FOXP2: variants seen among roughly 807,000 people sequenced by gnomAD.
FOXP2 encodes forkhead box protein P2.
In FOXP2, 12 loss-of-function variants were observed where a neutral mutation model predicts 115.8. That is an observed-to-expected ratio of 0.10 (90% CI 0.07 to 0.17). FOXP2 has a LOEUF of 0.17. Among genes scored for constraint, FOXP2 ranks in the 10% least tolerant of loss-of-function variants. The pLI, the probability that FOXP2 is intolerant of heterozygous loss-of-function variation, is 1.00. For missense variants in FOXP2, 629 were observed against 843.5 expected (o/e 0.75, Z 3.15); for synonymous variants, 328 against 297.7 (o/e 1.10, Z -1.05).
chr7:114,656,680 C>A (rs1262655564), intron 10 of FOXP2: 3 of 189,156 alleles, frequency 1.6e-5, no homozygotes, highest in African/African-American at 7.1e-5. Context: ...AACAGATGCA[C>A]TTGGGGATGC....
At chr7:114,504,666 T>C (rs1321252239) in intron 2 of FOXP2, among the ~76,000 whole-genome samples, 1 of 151,684 alleles carries the variant, frequency 6.6e-6, no homozygotes, top group Non-Finnish European at 1.5e-5. Flanking sequence ...GCAGAGAATG[T>C]CATGTCAACA....
chr7:114,612,905 T>C (rs1169999517), intron 3 of FOXP2, among the ~76,000 whole-genome samples: 1 of 152,228 alleles, frequency 6.6e-6, no homozygotes, highest in African/African-American at 2.4e-5. Flanking sequence ...TCTCTTCCTA[T>C]ATATAATACC....
intron 1 of FOXP2, among the ~76,000 whole-genome samples, chr7:114,254,809 C>T (rs201473085): frequency 2.6e-5 from 4 of 152,214 alleles, no homozygotes; most frequent in South Asian, 2.1e-4. Context: ...AGTCATTCTC[C>T]GTCCAGCTTT....
At chr7:114,500,474 C>A (rs952106356) in intron 2 of FOXP2, among the ~76,000 whole-genome samples, 26 of 151,932 alleles carry the variant, frequency 1.7e-4, no homozygotes, top group Non-Finnish European at 1.2e-4. Flanking sequence ...TTAATATATA[C>A]AACCCATTCC....
intron 1 of FOXP2, among the ~76,000 whole-genome samples, chr7:114,276,148 T>C (rs1282689131): frequency 6.6e-6 from 1 of 152,108 alleles, no homozygotes; most frequent in African/African-American, 2.4e-5. Flanking sequence ...CTCTGGCATA[T>C]TTTTATTGTT....
chr7:114,089,371 G>T (rs1210231649), intron 1 of FOXP2, among the ~76,000 whole-genome samples: 3 of 151,948 alleles, frequency 2.0e-5, no homozygotes, highest in African/African-American at 7.2e-5. Context: ...TAAGTACAAT[G>T]AATACTTTAT....
At chr7:114,204,508 G>A (rs1049879598) in intron 1 of FOXP2, among the ~76,000 whole-genome samples, 1 of 152,006 alleles carries the variant, frequency 6.6e-6, no homozygotes, top group African/African-American at 2.4e-5. Flanking sequence ...AATGATTTTT[G>A]GTAAGTTATT....
chr7:114,445,662 A>C (rs1794801424), intron 2 of FOXP2, among the ~76,000 whole-genome samples: 1 of 152,192 alleles, frequency 6.6e-6, no homozygotes, highest in Non-Finnish European at 1.5e-5. Flanking sequence ...TTAAGTATCA[A>C]AATTAGCCCC....
intron 10 of FOXP2, among the ~76,000 whole-genome samples, chr7:114,656,876 C>G (rs1004371716): frequency 6.6e-6 from 1 of 151,946 alleles, no homozygotes; most frequent in African/African-American, 2.4e-5. Flanking sequence ...ATTTTCTCCC[C>G]ATTAAAAAAA....
At chr7:114,110,973 A>G (rs1302264901) in intron 1 of FOXP2, among the ~76,000 whole-genome samples, 3 of 152,162 alleles carry the variant, frequency 2.0e-5, no homozygotes, top group Non-Finnish European at 4.4e-5. Context: ...CCCATAAAGA[A>G]TACTTTAGCT....
intron 2 of FOXP2, among the ~76,000 whole-genome samples, chr7:114,396,191 C>A (rs534444810): frequency 6.6e-6 from 1 of 151,912 alleles, no homozygotes; most frequent in Admixed American, 6.6e-5. Flanking sequence ...CCTCTGGTAA[C>A]CATCCCTCTA....
chr7:114,214,301 T>C (rs149204658), intron 1 of FOXP2, among the ~76,000 whole-genome samples: 8 of 152,294 alleles, frequency 5.3e-5, no homozygotes, highest in Non-Finnish European at 1.2e-4. Context: ...ACAGTCCTAC[T>C]ATACAGCACA....
At chr7:114,534,000 A>G (rs1469798951) in intron 2 of FOXP2, among the ~76,000 whole-genome samples, 2 of 151,964 alleles carry the variant, frequency 1.3e-5, no homozygotes, top group African/African-American at 4.8e-5. Flanking sequence ...TGATTGGTTG[A>G]GTGGTAATTT....
intron 11 of FOXP2, among the ~76,000 whole-genome samples, chr7:114,658,537 T>A (rs1806709284): frequency 6.6e-6 from 1 of 152,174 alleles, no homozygotes; most frequent in South Asian, 2.1e-4. Flanking sequence ...CTCAATTCAA[T>A]GAGATCCTTT....
At chr7:114,554,556 T>C (rs1800366321) in intron 3 of FOXP2, among the ~76,000 whole-genome samples, 1 of 152,242 alleles carries the variant, frequency 6.6e-6, no homozygotes, top group Admixed American at 6.5e-5. Flanking sequence ...TTATTTTTAG[T>C]ATGTGTATAA....
chr7:114,505,274 G>A (rs1797753597), intron 2 of FOXP2, among the ~76,000 whole-genome samples: 1 of 151,448 alleles, frequency 6.6e-6, no homozygotes, highest in African/African-American at 2.4e-5. Context: ...TATAAATAAT[G>A]TGCTAATTAC....
intron 3 of FOXP2, among the ~76,000 whole-genome samples, chr7:114,609,917 G>A (rs887708434): frequency 3.9e-5 from 6 of 151,982 alleles, no homozygotes; most frequent in South Asian, 2.1e-4. Flanking sequence ...CATTTTCATC[G>A]TGGTTGGCCA....
intron 1 of FOXP2, among the ~76,000 whole-genome samples, chr7:114,168,078 A>G (rs888386090): frequency 1.3e-5 from 2 of 152,062 alleles, no homozygotes; most frequent in African/African-American, 2.4e-5. Flanking sequence ...CTGTGAGTTT[A>G]TTAAACTGTT....
chr7:114,495,543 T>C (rs1051612913), intron 2 of FOXP2, among the ~76,000 whole-genome samples: 1 of 146,882 alleles, frequency 6.8e-6, no homozygotes, highest in Admixed American at 6.9e-5. Context: ...TTCACCCTTG[T>C]TGCCCAGGCT....
Sources: gnomAD v4.1 joint callset for allele counts (sites outside exome capture counted in the v4.1 genomes callset) on GRCh38, gnomAD v4.1.1 for gene constraint, MANE v1.5 for transcripts, NCBI Gene and HGNC (gene_info 2026-07-23, HGNC 2026-07-21) for gene names.